The following PARD3B variants were observed in gnomAD, a reference collection of about 807,000 sequenced individuals.
The protein encoded by PARD3B is par-3 family cell polarity regulator beta.
Under a neutral mutation model 130.2 loss-of-function variants are expected in PARD3B, and 103 were observed. The ratio of observed to expected loss-of-function variants is 0.79; its 90% confidence interval spans 0.67 to 0.93. The LOEUF (loss-of-function observed/expected upper bound fraction) is 0.93, where lower values mean the gene tolerates loss of function less well. Ranked by LOEUF, PARD3B falls within the 40% of genes least tolerant of loss-of-function variation. The pLI, the probability that PARD3B is intolerant of heterozygous loss-of-function variation, is 0.00. For missense variants in PARD3B, 1,609 were observed against 1,499.2 expected (o/e 1.07, Z -1.21); for synonymous variants, 583 against 553.2 (o/e 1.05, Z -0.76).
At chr2:205,356,963 A>T (rs980453140) in intron 18 of PARD3B, among the ~76,000 whole-genome samples, 1 of 151,884 alleles carries the variant, frequency 6.6e-6, no homozygotes, top group African/African-American at 2.4e-5. Flanking sequence ...ACTTTTGGGG[A>T]AAAAGTTTTT....
intron 4 of PARD3B, among the ~76,000 whole-genome samples, chr2:205,077,836 C>T (rs982479656): frequency 6.6e-6 from 1 of 152,110 alleles, no homozygotes; most frequent in African/African-American, 2.4e-5. Context: ...TGCTACTAAT[C>T]ACTTCATAGC....
At chr2:205,049,422 G>A (rs1295500359) in intron 4 of PARD3B, among the ~76,000 whole-genome samples, 1 of 152,078 alleles carries the variant, frequency 6.6e-6, no homozygotes, top group African/African-American at 2.4e-5. Flanking sequence ...ACAGCATGGG[G>A]GAACTGTGCC....
intron 4 of PARD3B, among the ~76,000 whole-genome samples, chr2:205,083,534 T>A (rs1045424717): frequency 2.0e-5 from 3 of 152,018 alleles, no homozygotes; most frequent in Non-Finnish European, 2.9e-5. Flanking sequence ...TTTAATATTA[T>A]TTGTGCCTCT....
intron 4 of PARD3B, among the ~76,000 whole-genome samples, chr2:205,102,450 C>G (rs138653377): frequency 6.6e-6 from 1 of 151,634 alleles, no homozygotes; most frequent in East Asian, 1.9e-4. Context: ...TGTAACCCGC[C>G]CAACCCTGTC....
At chr2:205,608,652 C>A (rs2055110335) in intron 22 of PARD3B, among the ~76,000 whole-genome samples, 1 of 152,098 alleles carries the variant, frequency 6.6e-6, no homozygotes, top group African/African-American at 2.4e-5. Context: ...TTAGCAGGAC[C>A]ATTTTTAGGA....
chr2:204,708,555 T>C (rs560031995), intron 2 of PARD3B, among the ~76,000 whole-genome samples: 82 of 152,342 alleles, frequency 5.4e-4, no homozygotes, highest in African/African-American at 1.9e-3. Flanking sequence ...TGTAATTATA[T>C]CACTTTCACC....
intron 22 of PARD3B, among the ~76,000 whole-genome samples, chr2:205,608,560 C>T (rs2055105333): frequency 1.3e-5 from 2 of 152,148 alleles, no homozygotes; most frequent in African/African-American, 4.8e-5. Context: ...ATTTCCCTCT[C>T]TATGTTGTTC....
intron 18 of PARD3B, among the ~76,000 whole-genome samples, chr2:205,375,460 G>A (rs1015349752): frequency 1.3e-5 from 2 of 152,126 alleles, no homozygotes; most frequent in Admixed American, 1.3e-4. Context: ...GAGGCAATAG[G>A]GAGCCGACAG....
chr2:205,305,293 A>G (rs2042150634), intron 18 of PARD3B, among the ~76,000 whole-genome samples: 1 of 152,204 alleles, frequency 6.6e-6, no homozygotes, highest in Admixed American at 6.5e-5. Flanking sequence ...ATTATGTGGC[A>G]TGTAGCATGA....
At chr2:204,800,069 G>A (rs1462562312) in intron 2 of PARD3B, among the ~76,000 whole-genome samples, 2 of 152,186 alleles carry the variant, frequency 1.3e-5, no homozygotes, top group East Asian at 3.9e-4. Context: ...ACAGAGATGT[G>A]TAATTTTTCA....
intron 22 of PARD3B, among the ~76,000 whole-genome samples, chr2:205,600,487 T>G (rs1365515400): frequency 6.6e-6 from 1 of 152,154 alleles, no homozygotes; most frequent in Non-Finnish European, 1.5e-5. Context: ...TTAACTCAGT[T>G]GGTTTTCTTT....
chr2:204,820,096 A>G (rs1394968654), intron 2 of PARD3B, among the ~76,000 whole-genome samples: 2 of 71,274 alleles, frequency 2.8e-5, no homozygotes, highest in Non-Finnish European at 4.5e-5. Context: ...TTTTTTTGAG[A>G]CGGAGTGTCA....
intron 21 of PARD3B, among the ~76,000 whole-genome samples, chr2:205,545,526 G>C (rs538812875): frequency 3.3e-5 from 5 of 152,254 alleles, no homozygotes; most frequent in African/African-American, 9.6e-5. Flanking sequence ...GTGTCTGGCA[G>C]CATGAAACTC....
intron 1 of PARD3B, among the ~76,000 whole-genome samples, chr2:204,553,661 TA>T (rs1559152331): frequency 7.9e-5 from 1 of 12,706 alleles, no homozygotes; most frequent in Non-Finnish European, 2.9e-4. Flanking sequence ...CATATATATA[TA>T]TATATATATA....
intron 15 of PARD3B, among the ~76,000 whole-genome samples, chr2:205,226,756 C>T (rs185869631): frequency 8.5e-5 from 13 of 152,290 alleles, no homozygotes; most frequent in African/African-American, 2.9e-4. Context: ...GTTCTGATTA[C>T]TTTAGCTGTG....
chr2:205,064,403 C>A (rs187595284), intron 4 of PARD3B, among the ~76,000 whole-genome samples: 45 of 152,244 alleles, frequency 3.0e-4, no homozygotes, highest in East Asian at 1.9e-4. Context: ...GGGAGACATG[C>A]GTGGCTGCTA....
intron 2 of PARD3B, among the ~76,000 whole-genome samples, chr2:204,957,360 G>A (rs1006995333): frequency 2.0e-5 from 3 of 152,084 alleles, no homozygotes; most frequent in Non-Finnish European, 4.4e-5. Context: ...AAGTGATAAG[G>A]ATAAATAGGG....
intron 18 of PARD3B, among the ~76,000 whole-genome samples, chr2:205,400,695 T>C (rs1483973532): frequency 1.3e-5 from 2 of 151,668 alleles, no homozygotes; most frequent in Admixed American, 6.6e-5. Flanking sequence ...ACCTGAGTAA[T>C]AGAAGAATCA....
chr2:204,756,678 T>G (rs2040688078), intron 2 of PARD3B, among the ~76,000 whole-genome samples: 1 of 152,158 alleles, frequency 6.6e-6, no homozygotes, highest in African/African-American at 2.4e-5. Context: ...AGACTTGCCG[T>G]CATTCCTAAT....
Sources: gnomAD v4.1 joint callset for allele counts (sites outside exome capture counted in the v4.1 genomes callset) on GRCh38, gnomAD v4.1.1 for gene constraint, MANE v1.5 for transcripts, NCBI Gene and HGNC (gene_info 2026-07-23, HGNC 2026-07-21) for gene names.